EPB41: variants seen among roughly 807,000 people sequenced by gnomAD.
EPB41 encodes erythrocyte membrane protein band 4.1.
EPB41 carries 65 observed loss-of-function variants against 108.0 expected under a neutral mutation model. That is an observed-to-expected ratio of 0.60 (90% confidence interval 0.49 to 0.74). The LOEUF (loss-of-function observed/expected upper bound fraction) is 0.74, where lower values mean the gene tolerates loss of function less well. Among genes scored for constraint, EPB41 ranks in the 30% least tolerant of loss-of-function variants. The probability of loss-of-function intolerance (pLI) is 0.00; values close to 1 mark genes in which losing one functional copy is unlikely to be tolerated. For synonymous variants in EPB41, 336 were observed against 358.9 expected, an observed-to-expected ratio of 0.94 and a Z score of 0.72; for missense variants, 875 against 1,037.0, an observed-to-expected ratio of 0.84 and a Z score of 2.15.
intron 16 of EPB41, among the ~76,000 whole-genome samples, chr1:29,092,430 T>C (rs1017916282): frequency 6.6e-6 from 1 of 152,110 alleles, no homozygotes; most frequent in Non-Finnish European, 1.5e-5. Context: ...TTCTCTGTGG[T>C]TTGTAATATG....
At chr1:28,951,670 A>G (rs569630808) in intron 1 of EPB41, among the ~76,000 whole-genome samples, 1 of 152,234 alleles carries the variant, frequency 6.6e-6, no homozygotes, top group East Asian at 1.9e-4. Flanking sequence ...CCTGGGCAAC[A>G]TGGCAAAACC....
intron 20 of EPB41, among the ~76,000 whole-genome samples, chr1:29,116,432 G>A (rs1670978651): frequency 6.6e-6 from 1 of 152,180 alleles, no homozygotes; most frequent in East Asian, 1.9e-4. Context: ...GGGATTACAG[G>A]CATGAGCCAC....
chr1:28,952,754 A>G (rs1158742566), intron 1 of EPB41, among the ~76,000 whole-genome samples: 1 of 152,192 alleles, frequency 6.6e-6, no homozygotes, highest in Non-Finnish European at 1.5e-5. Flanking sequence ...GACAAGGGCT[A>G]TTATCTAGGA....
rs368272153 is a variant in EPB41 at position 28,987,670 on chromosome 1, G to C, written c.233G>C (p.Gly78Ala). The change falls in exon 2 of 21, where the codon GGA becomes GCA. Residue 78 changes from glycine to alanine, a missense_variant. By Grantham distance (60) the Gly-to-Ala change is moderately conservative. Transcript: ENST00000343067. Reference protein sequence around the residue: ...KNKERTSESRGLSRLFSSFLK... With the variant: ...KNKERTSESRALSRLFSSFLK... ...AAGGAGCGGACATCAGAAAGCAGAGGACTTTCACGACTATTCTCCTCGTTT... is the reference window on the plus strand; with the variant it reads ...AAGGAGCGGACATCAGAAAGCAGAGCACTTTCACGACTATTCTCCTCGTTT... The C allele has an allele frequency of 7.4e-6, 12 of 1,614,208 alleles. No homozygotes were observed. The highest frequency in any genetic ancestry group is 9.3e-6 in the Non-Finnish European group (11 of 1,180,042).
rs757468910 is a variant in EPB41, at chr1:29,039,273, A to G, written c.1483A>G (p.Ile495Val). The stretch of plus-strand genomic sequence containing the variant: ...CCCCAGATTGACATCTACAGACACC[A>G]TTCCCAAAAGCAAATTTCTTGCGCT... Reference protein sequence around the residue: ...TFFRLTSTDTIPKSKFLALGS... With the variant: ...TFFRLTSTDTVPKSKFLALGS... Residue 495 changes from isoleucine (I) to valine (V), a missense_variant, in exon 11 of 21, where the codon ATT (isoleucine) becomes GTT (valine). Ile to Val is a conservative substitution (Grantham distance 29, BLOSUM62 3). Transcript: ENST00000343067. 10 of 1,614,128 alleles carry G rather than the reference A, an allele frequency of 6.2e-6. No homozygotes were observed. The South Asian group carries it at 9.9e-5, about 16-fold the overall frequency.
chr1:28,999,250 G>A (rs1044718115), intron 4 of EPB41, among the ~76,000 whole-genome samples: 9 of 152,160 alleles, frequency 5.9e-5, no homozygotes, highest in Non-Finnish European at 1.2e-4. Flanking sequence ...GGCGCCTGTA[G>A]TACCAGCTAC....
intron 7 of EPB41, among the ~76,000 whole-genome samples, chr1:29,022,190 T>C (rs1020760411): frequency 1.2e-4 from 18 of 152,064 alleles, no homozygotes; most frequent in African/African-American, 4.3e-4. Flanking sequence ...TTTTCATAAC[T>C]TGGTGAACAA....
intron 16 of EPB41, among the ~76,000 whole-genome samples, chr1:29,089,027 A>G (rs1660268776): frequency 6.6e-6 from 1 of 152,196 alleles, no homozygotes; most frequent in Non-Finnish European, 1.5e-5. Flanking sequence ...TCATGGGAAG[A>G]AGATGGGCTT....
intron 5 of EPB41, 80 bp downstream of exon 5, chr1:29,011,987 T>C: frequency 1.3e-6 from 2 of 1,498,220 alleles, no homozygotes; most frequent in South Asian, 2.3e-5. Flanking sequence ...TGGCTGTGAG[T>C]CAGTCACTTT....
chr1:29,069,132 C>T, intron 16 of EPB41: 1 of 1,227,600 alleles, frequency 8.1e-7, no homozygotes, highest in Non-Finnish European at 1.0e-6. Context: ...ATTTTGCATC[C>T]TTTCTTTTCC....
chr1:29,068,210 A>G (rs1167119811), intron 16 of EPB41, among the ~76,000 whole-genome samples: 1 of 152,260 alleles, frequency 6.6e-6, no homozygotes, highest in East Asian at 1.9e-4. Context: ...CCTTGTCGCT[A>G]TTTCACCCAG....
intron 3 of EPB41, among the ~76,000 whole-genome samples, chr1:28,995,110 C>T (rs1034048740): frequency 6.6e-6 from 1 of 151,750 alleles, no homozygotes; most frequent in African/African-American, 2.4e-5. Flanking sequence ...AGGTACTATA[C>T]ACCTAACTAG....
intron 14 of EPB41, 55 bp downstream of exon 14, chr1:29,058,907 T>TA (rs1162561785): frequency 9.4e-6 from 13 of 1,388,474 alleles, no homozygotes; most frequent in Non-Finnish European, 1.3e-5. Flanking sequence ...CATGCTGACT[T>TA]ACAGTGCATT....
intron 1 of EPB41, among the ~76,000 whole-genome samples, chr1:28,964,177 T>A (rs1455897290): frequency 6.6e-6 from 1 of 152,210 alleles, no homozygotes; most frequent in South Asian, 2.1e-4. Context: ...GGGTGGCTTA[T>A]GCCTGTAATC....
intron 10 of EPB41, among the ~76,000 whole-genome samples, chr1:29,037,781 G>T (rs1244547160): frequency 6.6e-6 from 1 of 151,956 alleles, no homozygotes; most frequent in Non-Finnish European, 1.5e-5. Flanking sequence ...TGATCCACTC[G>T]CCTTGGCCTC....
chr1:29,088,403 C>G (rs1437258956), intron 16 of EPB41, among the ~76,000 whole-genome samples: 1 of 152,148 alleles, frequency 6.6e-6, no homozygotes, highest in Non-Finnish European at 1.5e-5. Flanking sequence ...TCTAGATTAA[C>G]ACCTTTGAAT....
intron 1 of EPB41, chr1:28,890,935 G>A (rs2090048716): frequency 1.0e-6 from 1 of 985,456 alleles, no homozygotes; most frequent in Non-Finnish European, 1.2e-6. Flanking sequence ...CTGGAGCAAA[G>A]CTCTGAGCTC....
At chr1:29,108,693 G>A (rs926526358) in intron 17 of EPB41, among the ~76,000 whole-genome samples, 1 of 151,610 alleles carries the variant, frequency 6.6e-6, no homozygotes. Context: ...GAGTAGCTGG[G>A]ATTATAGGCA....
At chr1:29,065,243 C>T in intron 16 of EPB41, 85 bp downstream of exon 16, 1 of 1,439,732 alleles carries the variant, frequency 6.9e-7, no homozygotes, top group Non-Finnish European at 9.1e-7. Context: ...TGAGAGAAAG[C>T]TTAGAGCTGA....
Sources: allele counts gnomAD v4.1 joint callset (sites outside exome capture counted in the v4.1 genomes callset), GRCh38; gene constraint gnomAD v4.1.1; transcripts MANE v1.5; gene names NCBI Gene and HGNC (gene_info 2026-07-23, HGNC 2026-07-21).